The following ROBO1 variants were observed in gnomAD, a reference collection of about 807,000 sequenced individuals.
ROBO1 encodes the protein roundabout homolog 1.
Under a neutral mutation model 195.9 loss-of-function variants are expected in ROBO1, and 149 were observed. The observed-to-expected ratio is 0.76, with a 90% CI of 0.67 to 0.87. ROBO1 has a LOEUF of 0.87. Ranked by LOEUF, ROBO1 falls within the 40% of genes least tolerant of loss-of-function variation. The probability of loss-of-function intolerance (pLI) is 0.00; values close to 1 mark genes in which losing one functional copy is unlikely to be tolerated. For synonymous variants in ROBO1, 816 were observed against 733.2 expected, an observed-to-expected ratio of 1.11 and a Z score of -1.82; for missense variants, 1,933 against 2,068.3, an observed-to-expected ratio of 0.93 and a Z score of 1.27.
intron 2 of ROBO1, among the ~76,000 whole-genome samples, chr3:79,469,927 T>A (rs1938175268): frequency 6.6e-6 from 1 of 152,172 alleles, no homozygotes; most frequent in Non-Finnish European, 1.5e-5. Flanking sequence ...GACATCCATA[T>A]AAAGTATCCA....
chr3:79,244,145 G>A (rs17336055), intron 2 of ROBO1, among the ~76,000 whole-genome samples: 8,978 of 152,022 alleles, frequency 0.059, 330 homozygotes, highest in Middle Eastern at 0.099. Flanking sequence ...AGATTCCACC[G>A]TTGATGTTCT....
At chr3:78,643,512 C>T (rs1706095448) in intron 21 of ROBO1, among the ~76,000 whole-genome samples, 2 of 152,106 alleles carry the variant, frequency 1.3e-5, no homozygotes, top group Non-Finnish European at 2.9e-5. Context: ...AATACATGCA[C>T]AGTGTAGTAA....
At chr3:79,461,790 A>G (rs1308678727) in intron 2 of ROBO1, among the ~76,000 whole-genome samples, 1 of 152,162 alleles carries the variant, frequency 6.6e-6, no homozygotes, top group Non-Finnish European at 1.5e-5. Flanking sequence ...GCACTTCTCT[A>G]TCATTTTGAC....
At chr3:79,741,494 G>A (rs1373446922) in intron 1 of ROBO1, among the ~76,000 whole-genome samples, 1 of 152,032 alleles carries the variant, frequency 6.6e-6, no homozygotes, top group African/African-American at 2.4e-5. Context: ...GTAAACAAGA[G>A]TTTCTCTAAG....
rs71127370 is a variant in ROBO1 at position 78,963,090 on chromosome 3, G to GATATAT, written c.173-24169_173-24164dup. 1.8e-3 allele frequency among the ~76,000 whole-genome samples: 264 copies of GATATAT among 145,732 alleles called. 1 individual carries two copies. The highest frequency in any genetic ancestry group is 5.3e-3 in the African/African-American group (211 of 39,912). On this transcript the variant is annotated intron_variant, in intron 3 of 30. Coordinates refer to ENST00000464233, the MANE Select transcript of ROBO1 (RefSeq NM_002941.4). Reference sequence around the variant, plus strand: ...ATTGGATACATGTGATCTCATACTTGATATATATATATATATATATTACCT... The same window carrying GATATAT: ...ATTGGATACATGTGATCTCATACTTGATATATATATATATATATATATATATTACCT...
Position 79,607,602 on chromosome 3 carries a change from G to GTT in ROBO1, c.-50-17643_-50-17642dup, listed in dbSNP as rs58634211. Among the ~76,000 whole-genome samples the GTT allele has an allele frequency of 4.2e-3, 625 of 147,442 alleles. 3 individuals are homozygous for GTT. Among genetic ancestry groups the GTT allele is most frequent in the African/African-American group, 8.4e-3 (340 of 40,512 alleles). ...AAAAACTACAAATTTGTATTTCCAA[G>GTT]TTTTTTTTTTTTCTTACTGGGCAAT... On this transcript the variant is annotated intron_variant, in intron 1 of 30. Transcript: ENST00000464233.
chr3:78,714,839 C>T (rs1280647376), intron 7 of ROBO1: 2 of 218,670 alleles, frequency 9.1e-6, no homozygotes, highest in Admixed American at 1.1e-4. Flanking sequence ...TTACCATTTG[C>T]CAGACTTTAA....
chr3:79,333,063 G>C (rs888814491), intron 2 of ROBO1, among the ~76,000 whole-genome samples: 2 of 151,846 alleles, frequency 1.3e-5, no homozygotes, highest in East Asian at 1.9e-4. Context: ...ATTAGCCAGG[G>C]GGGGTAGCAT....
chr3:79,224,792 T>C (rs2082197032), intron 2 of ROBO1, among the ~76,000 whole-genome samples: 1 of 152,216 alleles, frequency 6.6e-6, no homozygotes, highest in Admixed American at 6.5e-5. Flanking sequence ...TGTGCTGCTC[T>C]AGATGCTGGT....
intron 2 of ROBO1, among the ~76,000 whole-genome samples, chr3:79,526,176 T>G (rs2107596549): frequency 6.6e-6 from 1 of 152,332 alleles, no homozygotes; most frequent in East Asian, 1.9e-4. Context: ...ATTTTGAATC[T>G]TATTGTTTCC....
chr3:78,957,677 G>C (rs2041120140), intron 3 of ROBO1, among the ~76,000 whole-genome samples: 1 of 152,132 alleles, frequency 6.6e-6, no homozygotes, highest in African/African-American at 2.4e-5. Flanking sequence ...GTGATCCTTA[G>C]GAGTTAAAAG....
intron 10 of ROBO1, among the ~76,000 whole-genome samples, chr3:78,671,679 C>T (rs1708073759): frequency 6.6e-6 from 1 of 151,792 alleles, no homozygotes; most frequent in African/African-American, 2.4e-5. Flanking sequence ...TTCCAATTCT[C>T]TTCTTTGTCT....
chr3:78,763,114 C>T (rs1193628248), intron 4 of ROBO1, among the ~76,000 whole-genome samples: 7 of 152,108 alleles, frequency 4.6e-5, no homozygotes, highest in Admixed American at 4.6e-4. Context: ...AACACTACCA[C>T]ATATCTAACA....
At chr3:79,041,882 G>A (rs771081447) in intron 3 of ROBO1, among the ~76,000 whole-genome samples, 10 of 152,114 alleles carry the variant, frequency 6.6e-5, no homozygotes, top group Non-Finnish European at 1.0e-4. Flanking sequence ...TGTGGTGGTG[G>A]AAATAAAGAA....
At chr3:79,111,377 G>A (rs1416673949) in intron 3 of ROBO1, among the ~76,000 whole-genome samples, 1 of 152,046 alleles carries the variant, frequency 6.6e-6, no homozygotes, top group Non-Finnish European at 1.5e-5. Flanking sequence ...TAGCTGGATG[G>A]GTTCAGACAA....
intron 4 of ROBO1, among the ~76,000 whole-genome samples, chr3:78,907,237 C>G (rs147000167): frequency 6.6e-6 from 1 of 151,822 alleles, no homozygotes; most frequent in Non-Finnish European, 1.5e-5. Flanking sequence ...TGATTTTGAC[C>G]TTGTTGGCCC....
At chr3:78,694,590 T>TA (rs2081245549) in intron 8 of ROBO1, among the ~76,000 whole-genome samples, 1 of 152,204 alleles carries the variant, frequency 6.6e-6, no homozygotes, top group East Asian at 1.9e-4. Context: ...TTAGAAAAGT[T>TA]AAAAAGAAAC....
chr3:79,213,728 C>T (rs754210929), intron 2 of ROBO1, among the ~76,000 whole-genome samples: 9 of 151,884 alleles, frequency 5.9e-5, no homozygotes, highest in Non-Finnish European at 1.3e-4. Context: ...TTCTCCCACC[C>T]ACTGCTTTCC....
intron 3 of ROBO1, among the ~76,000 whole-genome samples, chr3:79,071,736 A>ACG (rs1281172688): frequency 1.2e-3 from 52 of 42,186 alleles, no homozygotes; most frequent in African/African-American, 4.6e-3. Context: ...ACACACACAC[A>ACG]CACGCACACA....
Sources: allele counts gnomAD v4.1 joint callset (sites outside exome capture counted in the v4.1 genomes callset), GRCh38; gene constraint gnomAD v4.1.1; transcripts MANE v1.5; gene names NCBI Gene and HGNC (gene_info 2026-07-23, HGNC 2026-07-21).